AJAP1: variants seen among roughly 807,000 people sequenced by gnomAD.
AJAP1 encodes the protein adherens junction-associated protein 1.
A neutral mutation model predicts 35.0 loss-of-function variants in AJAP1; 5 were observed. The observed-to-expected ratio is 0.14, with a 90% CI of 0.07 to 0.30. AJAP1 has a LOEUF of 0.30. Among genes scored for constraint, AJAP1 ranks in the 10% least tolerant of loss-of-function variants. AJAP1 has a pLI of 1.00. For synonymous variants in AJAP1, 284 were observed against 249.3 expected (o/e 1.14, Z -1.31); for missense variants, 586 against 571.0 (o/e 1.03, Z -0.27).
In AJAP1 at chr1:4,792,420, A is replaced by G. The variant is rs2100389955; in HGVS notation, c.*9935A>G. ...TTTTTAAGTTGTTTCTGTATTTCAA[A>G]GCTATGTATTTGGAAAACATTGTAA... On this transcript the variant is annotated 3_prime_UTR_variant, in exon 6 of 6. Transcript: ENST00000378191. 1 of 151,688 alleles carries G rather than the reference A, an allele frequency of 6.6e-6. No homozygotes were observed. The highest frequency in any genetic ancestry group is 2.4e-5 in the African/African-American group (1 of 41,376). 9.4% of individuals were successfully genotyped at this position (151,688 alleles called of 1,614,324 possible). A position where few individuals can be genotyped will look rare whatever the true frequency, so the allele number is the denominator to read the frequency against.
Position 4,787,810 on chromosome 1 carries a change from ATTC to A in AJAP1, c.*5331_*5333del, listed in dbSNP as rs1447670936. The A allele has an allele frequency of 4.4e-6, 2 of 453,412 alleles. No individual in the cohort carries two copies. Among genetic ancestry groups the A allele is most frequent in the Non-Finnish European group, 8.9e-6 (2 of 225,000 alleles). 28.1% of individuals were successfully genotyped at this position (453,412 alleles called of 1,614,324 possible). On this transcript the variant is annotated 3_prime_UTR_variant, in exon 6 of 6. Transcript: ENST00000378191. ...GGGGCACGGGCACCTTGGGGATGCC[ATTC>A]TTCTTGGTGCCAGAAGGCAGCTGCA...
chr1:4,660,356 A>G (rs1191724821), intron 1 of AJAP1, among the ~76,000 whole-genome samples: 2 of 152,162 alleles, frequency 1.3e-5, no homozygotes, highest in African/African-American at 4.8e-5. Context: ...GTGGTTACAA[A>G]AGGGCAACAT....
chr1:4,727,314 C>T (rs1428725710), intron 2 of AJAP1, among the ~76,000 whole-genome samples: 2 of 152,148 alleles, frequency 1.3e-5, no homozygotes, highest in African/African-American at 2.4e-5. Context: ...GGAGGGCTCC[C>T]GGCCCCACCT....
At chr1:4,711,096 T>C (rs1640221448) in intron 1 of AJAP1, 1 of 152,228 alleles carries the variant, frequency 6.6e-6, no homozygotes, top group South Asian at 2.1e-4. Flanking sequence ...GGAGCGGAAA[T>C]GTCAACAGAA....
chr1:4,688,587 A>G (rs567972273), intron 1 of AJAP1, among the ~76,000 whole-genome samples: 2 of 152,140 alleles, frequency 1.3e-5, no homozygotes, highest in African/African-American at 4.8e-5. Flanking sequence ...AGCCTGGCCA[A>G]TATGGTGAAA....
At chr1:4,670,466 C>T (rs1281805861) in intron 1 of AJAP1, among the ~76,000 whole-genome samples, 1 of 152,162 alleles carries the variant, frequency 6.6e-6, no homozygotes, top group African/African-American at 2.4e-5. Flanking sequence ...TTTAGTATGA[C>T]ATCAGCCCTG....
At chr1:4,710,535 C>G (rs558496801) in intron 1 of AJAP1, among the ~76,000 whole-genome samples, 1 of 152,238 alleles carries the variant, frequency 6.6e-6, no homozygotes, top group Non-Finnish European at 1.5e-5. Flanking sequence ...ATGACACACA[C>G]AGCTTCCTTC....
chr1:4,698,520 G>A (rs1055631255), intron 1 of AJAP1, among the ~76,000 whole-genome samples: 3 of 152,134 alleles, frequency 2.0e-5, no homozygotes, highest in South Asian at 2.1e-4. Context: ...AGGCCAGGCC[G>A]GCCTTCCCCC....
At chr1:4,740,601 T>G (rs990117637) in intron 2 of AJAP1, among the ~76,000 whole-genome samples, 6 of 151,510 alleles carry the variant, frequency 4.0e-5, no homozygotes, top group East Asian at 2.0e-4. Context: ...CTGGCTAACA[T>G]GGTGAAACCC....
At chr1:4,771,573 G>A (rs1040003191) in intron 3 of AJAP1, among the ~76,000 whole-genome samples, 1 of 152,144 alleles carries the variant, frequency 6.6e-6, no homozygotes, top group African/African-American at 2.4e-5. Context: ...GGCATCCGGG[G>A]GCCTCGATTC....
At chr1:4,737,092 C>A (rs959606652) in intron 2 of AJAP1, among the ~76,000 whole-genome samples, 2 of 152,224 alleles carry the variant, frequency 1.3e-5, no homozygotes, top group African/African-American at 4.8e-5. Flanking sequence ...GGAATTATTA[C>A]GCCTGTTTGC....
At chr1:4,752,538 T>C (rs548359214) in intron 2 of AJAP1, among the ~76,000 whole-genome samples, 4 of 152,210 alleles carry the variant, frequency 2.6e-5, no homozygotes, top group African/African-American at 9.6e-5. Context: ...GAATAAATAG[T>C]AGTATCATAT....
chr1:4,753,791 C>T (rs35847522), intron 2 of AJAP1, among the ~76,000 whole-genome samples: 3,224 of 152,282 alleles, frequency 0.021, 41 homozygotes, highest in Middle Eastern at 0.041. Flanking sequence ...AGGCTGGTCT[C>T]GAACTCCTGA....
At chr1:4,725,185 C>T (rs1425316475) in intron 2 of AJAP1, among the ~76,000 whole-genome samples, 5 of 152,130 alleles carry the variant, frequency 3.3e-5, no homozygotes, top group African/African-American at 7.2e-5. Flanking sequence ...CTGACCCCGG[C>T]AGAGGAGTAG....
chr1:4,725,471 C>T lies in AJAP1; in HGVS notation c.829+12772C>T, dbSNP rs242042. Among the ~76,000 whole-genome samples, 448 of 152,250 alleles carry T rather than the reference C, an allele frequency of 2.9e-3. 2 individuals carry two copies. The highest frequency in any genetic ancestry group is 4.6e-3 in the Non-Finnish European group (315 of 68,018). ...GCTTGTGACAGATGCTCAAAGTACA[C>T]GTTTAATGAATAGGTAGACTCCCTG... is the stretch of plus-strand genomic sequence containing the variant. On this transcript the variant is annotated intron_variant, in intron 2 of 5. Coordinates refer to ENST00000378191, the MANE Select transcript of AJAP1 (RefSeq NM_018836.4).
At chr1:4,765,888 A>C (rs1641673105) in intron 2 of AJAP1, among the ~76,000 whole-genome samples, 1 of 152,188 alleles carries the variant, frequency 6.6e-6, no homozygotes, top group South Asian at 2.1e-4. Flanking sequence ...AGACCCAGCC[A>C]TAAACTAGAG....
At chr1:4,669,294 A>G (rs1480795908) in intron 1 of AJAP1, among the ~76,000 whole-genome samples, 4 of 152,232 alleles carry the variant, frequency 2.6e-5, no homozygotes, top group Non-Finnish European at 4.4e-5. Flanking sequence ...AAATGAGATC[A>G]TACAATTAAT....
chr1:4,771,441 G>C (rs1455790754), intron 3 of AJAP1, among the ~76,000 whole-genome samples: 1 of 152,216 alleles, frequency 6.6e-6, no homozygotes, highest in East Asian at 1.9e-4. Flanking sequence ...TGAGCGTGAA[G>C]GGGAAGGGGC....
intron 1 of AJAP1, among the ~76,000 whole-genome samples, chr1:4,699,367 T>G (rs1246921123): frequency 6.6e-6 from 1 of 152,236 alleles, no homozygotes; most frequent in Non-Finnish European, 1.5e-5. Context: ...CCATCCTTGG[T>G]TGGCTTCAAA....
Sources: gnomAD v4.1 joint callset for allele counts (sites outside exome capture counted in the v4.1 genomes callset) on GRCh38, gnomAD v4.1.1 for gene constraint, MANE v1.5 for transcripts, NCBI Gene and HGNC (gene_info 2026-07-23, HGNC 2026-07-21) for gene names.